DROSHA: variants seen among roughly 807,000 people sequenced by gnomAD.
DROSHA encodes the protein ribonuclease 3.
In DROSHA, 56 loss-of-function variants were observed where a neutral mutation model predicts 181.9. The ratio of observed to expected loss-of-function variants is 0.31; its 90% CI spans 0.25 to 0.38. The LOEUF is 0.38. DROSHA is among the 10% of genes least tolerant of loss of function. The pLI is 1.00. For synonymous variants in DROSHA, 524 were observed against 591.2 expected (o/e 0.89, Z 1.65); for missense variants, 1,218 against 1,743.5 (o/e 0.70, Z 5.37).
intron 30 of DROSHA, among the ~76,000 whole-genome samples, chr5:31,413,554 A>G (rs1253774435): frequency 6.6e-6 from 1 of 152,226 alleles, no homozygotes; most frequent in African/African-American, 2.4e-5. Flanking sequence ...AGTTCAGTGC[A>G]CCAGTGGGTG....
At chr5:31,440,261 A>G (rs1437235598) in intron 23 of DROSHA, among the ~76,000 whole-genome samples, 1 of 152,182 alleles carries the variant, frequency 6.6e-6, no homozygotes, top group East Asian at 1.9e-4. Flanking sequence ...ATTTCCATAA[A>G]ACTTCAACAC....
At chr5:31,435,719 A>AGAGCATGTCAGAC in intron 25 of DROSHA, 46 bp downstream of exon 25, 1 of 1,556,002 alleles carries the variant, frequency 6.4e-7, no homozygotes, top group South Asian at 1.1e-5. Context: ...GGACCGCAGA[A>AGAGCATGTCAGAC]GAGCATGTCA....
At position 31,490,225 on chromosome 5, in the gene DROSHA, C is replaced by T. The variant is rs1561243503; in HGVS notation, c.1842+2982G>A. On this transcript the variant is annotated intron_variant, in intron 13 of 35. Coordinates refer to ENST00000344624, the MANE Select transcript of DROSHA (RefSeq NM_001382508.1). The stretch of plus-strand genomic sequence containing the variant: ...AAGAGACAGGGTCTAGCTCTGTCAA[C>T]CAAGCTGGAGTTCAGTGGGGCAATC... 2.0e-5 allele frequency among the ~76,000 whole-genome samples: 3 copies of T among 149,242 alleles called. No homozygotes were observed. The South Asian group carries it at 6.4e-4, about 32-fold the overall frequency.
At chr5:31,491,623 G>C (rs1752420209) in intron 13 of DROSHA, among the ~76,000 whole-genome samples, 1 of 151,680 alleles carries the variant, frequency 6.6e-6, no homozygotes, top group Middle Eastern at 3.2e-3. Flanking sequence ...GCAGTAGATG[G>C]TGGGGGGTGG....
rs185098021 is a variant in DROSHA at position 31,499,812 on chromosome 5, T to G, written c.1669-4440A>C. 1.1e-3 allele frequency among the ~76,000 whole-genome samples: 170 copies of G among 152,234 alleles called. 3 individuals carry two copies. The highest frequency in any genetic ancestry group is 9.7e-3 in the South Asian group (47 of 4,822). ...GCTTTATGAGTCTCAGTTGGGAGCCTTCACTTAGAGAACCACTACACTACA... is the reference window on the plus strand; with the variant it reads ...GCTTTATGAGTCTCAGTTGGGAGCCGTCACTTAGAGAACCACTACACTACA... On this transcript the variant is annotated intron_variant, in intron 11 of 35. Transcript: ENST00000344624.
At chr5:31,497,749 T>C (rs1753159814) in intron 11 of DROSHA, among the ~76,000 whole-genome samples, 1 of 152,258 alleles carries the variant, frequency 6.6e-6, no homozygotes, top group South Asian at 2.1e-4. Flanking sequence ...CCAGCTGTCG[T>C]GTTGGTGGCT....
intron 22 of DROSHA, 118 bp downstream of exon 22, chr5:31,449,163 C>G: frequency 7.6e-7 from 1 of 1,317,762 alleles, no homozygotes; most frequent in South Asian, 1.5e-5. Context: ...TCAGTAAGCA[C>G]TAGAATATGA....
chr5:31,482,770 A>G (rs1751179949), intron 16 of DROSHA, among the ~76,000 whole-genome samples: 1 of 27,424 alleles, frequency 3.6e-5, no homozygotes, highest in Non-Finnish European at 2.0e-4. Context: ...TCAAGGAGAA[A>G]GATTTGCAAA....
intron 23 of DROSHA, among the ~76,000 whole-genome samples, chr5:31,440,376 A>C (rs1047400670): frequency 6.6e-6 from 1 of 152,244 alleles, no homozygotes; most frequent in Non-Finnish European, 1.5e-5. Context: ...TTCCATATAT[A>C]GTAGAAAATT....
rs754562615 is a variant in DROSHA at position 31,511,055 on chromosome 5, G to A, written c.1412C>T (p.Thr471Met). The change falls in exon 9 of 36, where the codon ACG becomes ATG. Residue 471 changes from threonine (T) to methionine (M), a missense_variant. By Grantham distance (81) the Thr-to-Met change is moderately conservative (BLOSUM62 -1). This residue lies in a region of DROSHA where 460 missense variants were observed against 774.2 expected (regional missense o/e 0.59). Transcript: ENST00000344624. ...AARPPWEPPK[T>M]KLDEDLESSS... ...CTCACCTAAATCTTCATCGAGCTTC[G>A]TCTTTGGAGGTTCCCACGGAGGCCG... is the stretch of plus-strand genomic sequence containing the variant. 3.1e-6 allele frequency: 5 copies of A among 1,613,948 alleles called. No individual in the cohort carries two copies. Among genetic ancestry groups the A allele is most frequent in the Non-Finnish European group, 4.2e-6 (5 of 1,179,870 alleles).
intron 25 of DROSHA, among the ~76,000 whole-genome samples, chr5:31,434,267 A>G (rs993524735): frequency 3.9e-5 from 6 of 152,242 alleles, no homozygotes; most frequent in African/African-American, 1.4e-4. Flanking sequence ...AAAAATAATT[A>G]TGCCATTCCA....
chr5:31,424,336 G>T, intron 28 of DROSHA, 91 bp downstream of exon 28: 1 of 1,478,650 alleles, frequency 6.8e-7, no homozygotes, highest in Non-Finnish European at 9.2e-7. Flanking sequence ...AGAATCAAAA[G>T]ATAAAAGTGG....
At chr5:31,472,525 T>C (rs761228203) in intron 16 of DROSHA, among the ~76,000 whole-genome samples, 7 of 152,192 alleles carry the variant, frequency 4.6e-5, no homozygotes, top group Non-Finnish European at 7.3e-5. Flanking sequence ...CCTATCTAAA[T>C]AAATTTAAAG....
chr5:31,466,412 C>T (rs562431153), intron 18 of DROSHA, 131 bp from the exon 19 acceptor site: 1 of 754,566 alleles, frequency 1.3e-6, no homozygotes, highest in Admixed American at 2.4e-5. Context: ...TGGCAGAAAG[C>T]CATCATTCTA....
intron 4 of DROSHA, 135 bp from the exon 5 acceptor site, chr5:31,527,047 C>T: frequency 1.3e-6 from 1 of 748,484 alleles, no homozygotes; most frequent in Admixed American, 2.8e-5. Flanking sequence ...GAATAGGCCA[C>T]CCATTTAATA....
chr5:31,435,684 C>T (rs1744697987), intron 25 of DROSHA, 81 bp downstream of exon 25: 11 of 1,278,026 alleles, frequency 8.6e-6, no homozygotes, highest in Non-Finnish European at 1.2e-5. Context: ...TAACGAGTTA[C>T]TTATTCAAAT....
chr5:31,502,926 C>T (rs114456889), intron 11 of DROSHA, among the ~76,000 whole-genome samples: 1,678 of 152,276 alleles, frequency 0.011, 24 homozygotes, highest in Middle Eastern at 0.031. Flanking sequence ...TATAGATGGA[C>T]TCCTGGTCAG....
chr5:31,416,200 C>T (rs1226819087), intron 30 of DROSHA, among the ~76,000 whole-genome samples: 1 of 152,192 alleles, frequency 6.6e-6, no homozygotes, highest in Non-Finnish European at 1.5e-5. Flanking sequence ...TGCCATCCCC[C>T]AACCAATGCA....
chr5:31,407,650 T>C (rs547335136), intron 33 of DROSHA, among the ~76,000 whole-genome samples: 2 of 152,092 alleles, frequency 1.3e-5, no homozygotes, highest in African/African-American at 4.8e-5. Flanking sequence ...AAAAAAACCA[T>C]GTAAAACAAC....
Sources: allele counts gnomAD v4.1 joint callset (sites outside exome capture counted in the v4.1 genomes callset), GRCh38; gene constraint gnomAD v4.1.1; regional missense constraint gnomAD v4.1.1; transcripts MANE v1.5; gene names NCBI Gene and HGNC (gene_info 2026-07-23, HGNC 2026-07-21).